Variants in RLF observed in about 807,000 individuals in gnomAD.
The protein encoded by RLF is RLF zinc finger.
RLF carries 7 observed loss-of-function variants against 162.9 expected under a neutral mutation model. That is an observed-to-expected ratio of 0.04 (90% CI 0.02 to 0.08). RLF has a LOEUF of 0.08. Among genes scored for constraint, RLF ranks in the 10% least tolerant of loss-of-function variants. The pLI, the probability that RLF is intolerant of heterozygous loss-of-function variation, is 1.00. For synonymous variants in RLF, 782 were observed against 791.5 expected (o/e 0.99, Z 0.20); for missense variants, 1,664 against 2,244.7 (o/e 0.74, Z 5.23).
At chr1:40,196,317 C>A (rs1642635751) in intron 4 of RLF, among the ~76,000 whole-genome samples, 1 of 152,156 alleles carries the variant, frequency 6.6e-6, no homozygotes, top group Admixed American at 6.5e-5. Context: ...TGTGATCCAC[C>A]TGCCTTGGCC....
chr1:40,174,691 G>C (rs1452530170), intron 1 of RLF, among the ~76,000 whole-genome samples: 1 of 152,032 alleles, frequency 6.6e-6, no homozygotes, highest in Non-Finnish European at 1.5e-5. Flanking sequence ...AAAGGGGTGA[G>C]ATTTTTAAAA....
chr1:40,191,594 A>G (rs141477423), intron 3 of RLF, among the ~76,000 whole-genome samples: 15 of 151,932 alleles, frequency 9.9e-5, no homozygotes, highest in South Asian at 2.1e-4. Context: ...GTACATACCT[A>G]TAGTCCCAGC....
Position 40,230,544 on chromosome 1 carries a change from G to T in RLF, c.948-973G>T, listed in dbSNP as rs374532632. On this transcript the variant is annotated intron_variant, in intron 6 of 7. Coordinates refer to ENST00000372771, the MANE Select transcript of RLF (RefSeq NM_012421.4). The stretch of plus-strand genomic sequence containing the variant: ...CCTCCCAGGTTCAAGCGATTCTCCT[G>T]TTCTCAGCCTCCCAAGTAGCTGGGA... Among the ~76,000 whole-genome samples, 13 of 152,118 alleles carry T rather than the reference G, an allele frequency of 8.5e-5. 1 individual carries two copies. The highest frequency in any genetic ancestry group is 3.9e-4 in the East Asian group (2 of 5,174).
intron 1 of RLF, among the ~76,000 whole-genome samples, chr1:40,162,787 G>A (rs571089338): frequency 1.3e-5 from 2 of 152,294 alleles, no homozygotes; most frequent in African/African-American, 4.8e-5. Context: ...CAATTTTTGT[G>A]TGTACAACCT....
intron 4 of RLF, among the ~76,000 whole-genome samples, chr1:40,201,522 A>C (rs1183825627): frequency 6.7e-6 from 1 of 149,360 alleles, no homozygotes; most frequent in Non-Finnish European, 1.5e-5. Context: ...GCTACTCGGG[A>C]GGCTGAGGCA....
Position 40,236,766 on chromosome 1 carries a change from A to G in RLF, c.2064A>G (p.Leu688=). The G allele has an allele frequency of 3.1e-6, 5 of 1,614,070 alleles. No homozygotes were observed. Among genetic ancestry groups the G allele is most frequent in the Non-Finnish European group, 4.2e-6 (5 of 1,179,952 alleles). The change falls in exon 8 of 8, where the codon TTA becomes TTG. Residue 688 remains leucine, a synonymous_variant. Coordinates refer to ENST00000372771, the MANE Select transcript of RLF (RefSeq NM_012421.4). This position sits in a 1 kb window ranked among gnomAD's most constrained non-coding sequence, Gnocchi z 7.7. ...GTGTGTTTAAGCAATTTAAATACTT[A>G]AGTGTGCATCTTAAAGCTGAACACC... ...CSRVFKQFKY[L]SVHLKAEHQN...
chr1:40,183,863 C>A (rs1264618981), intron 1 of RLF, among the ~76,000 whole-genome samples: 1 of 152,086 alleles, frequency 6.6e-6, no homozygotes, highest in Non-Finnish European at 1.5e-5. Flanking sequence ...CCGTAAAGCT[C>A]TTAGGAAGTG....
chr1:40,177,001 T>G (rs949104328), intron 1 of RLF, among the ~76,000 whole-genome samples: 18 of 151,868 alleles, frequency 1.2e-4, no homozygotes, highest in African/African-American at 4.4e-4. Flanking sequence ...TTAATTTTTT[T>G]TTTTGAGACC....
In RLF at chr1:40,224,623, C is replaced by CTTTTTTTTTTTTTTTTTTTTTTTTTTTTT. The variant is rs1168908018; in HGVS notation, c.947+1916_947+1944dup. Among the ~76,000 whole-genome samples, 6 of 33,262 alleles carry CTTTTTTTTTTTTTTTTTTTTTTTTTTTTT rather than the reference C, an allele frequency of 1.8e-4. 1 individual carries two copies. The highest frequency in any genetic ancestry group is 2.5e-4 in the African/African-American group (2 of 8,128). 21.8% of individuals were successfully genotyped at this position (33,262 alleles called of 152,430 possible). A position where few individuals can be genotyped will look rare whatever the true frequency, so the allele number is the denominator to read the frequency against. On this transcript the variant is annotated intron_variant, in intron 6 of 7. Transcript: ENST00000372771. ...TTTCCCCTTCCATTGTTTTTGAAAG[C>CTTTTTTTTTTTTTTTTTTTTTTTTTTTTT]TTTTTTTTTTTTTTTTTTTTTTTTT...
Position 40,240,814 on chromosome 1 carries a change from C to A in RLF, c.*367C>A, listed in dbSNP as rs1219971676. ...GGGCTAGGGAAAGGGATATGGAGTT[C>A]TTACTTGACTTGAATGTGCACCTGA... On this transcript the variant is annotated 3_prime_UTR_variant, in exon 8 of 8. Coordinates refer to ENST00000372771, the MANE Select transcript of RLF (RefSeq NM_012421.4). 5.1e-6 allele frequency: 1 copy of A among 194,870 alleles called. No individual in the cohort carries two copies. The highest frequency in any genetic ancestry group is 1.1e-5 in the Non-Finnish European group (1 of 94,502). 12.1% of individuals were successfully genotyped at this position (194,870 alleles called of 1,614,324 possible).
At chr1:40,233,785 A>G (rs1643183435) in intron 7 of RLF, among the ~76,000 whole-genome samples, 1 of 152,140 alleles carries the variant, frequency 6.6e-6, no homozygotes. Flanking sequence ...TTGATTGTTC[A>G]CAGTCAGTTA....
chr1:40,212,633 G>A (rs1280201884), intron 5 of RLF, among the ~76,000 whole-genome samples: 1 of 152,182 alleles, frequency 6.6e-6, no homozygotes, highest in East Asian at 1.9e-4. Context: ...CGCAGTTAAG[G>A]CAGGGGTCCG....
intron 7 of RLF, among the ~76,000 whole-genome samples, chr1:40,232,839 A>C (rs1371846535): frequency 6.6e-6 from 1 of 152,010 alleles, no homozygotes; most frequent in Non-Finnish European, 1.5e-5. Flanking sequence ...AGAGTAGCTG[A>C]GATTGCAGGC....
At chr1:40,205,340 T>C (rs1401882180) in intron 5 of RLF, among the ~76,000 whole-genome samples, 1 of 152,056 alleles carries the variant, frequency 6.6e-6, no homozygotes, top group African/African-American at 2.4e-5. Context: ...CGAGACTCTG[T>C]CTTCAAAAAA....
chr1:40,202,188 C>T (rs866348144), intron 4 of RLF, among the ~76,000 whole-genome samples: 1 of 152,168 alleles, frequency 6.6e-6, no homozygotes, highest in Admixed American at 6.5e-5. Flanking sequence ...ACATAGGTTA[C>T]TTGCTTCATT....
intron 4 of RLF, among the ~76,000 whole-genome samples, chr1:40,196,498 TTTTTG>T (rs143095767): frequency 6.6e-6 from 1 of 152,014 alleles, no homozygotes. Flanking sequence ...GTTTTTGTTG[TTTTTG>T]TTTTGTTTTG....
At chr1:40,221,237 G>C (rs896893933) in intron 5 of RLF, among the ~76,000 whole-genome samples, 2 of 151,610 alleles carry the variant, frequency 1.3e-5, no homozygotes, top group Non-Finnish European at 2.9e-5. Context: ...ATTTAAAAAT[G>C]AACTTTGGAC....
rs1435207009 is a variant in RLF at position 40,240,493 on chromosome 1, TGG to T, written c.*49_*50del. 6 of 1,361,780 alleles carry T rather than the reference TGG, an allele frequency of 4.4e-6. No individual in the cohort carries two copies. Among genetic ancestry groups the T allele is most frequent in the Admixed American group, 1.9e-5 (1 of 52,310 alleles). 84.4% of individuals were successfully genotyped at this position (1,361,780 alleles called of 1,614,324 possible). On this transcript the variant is annotated 3_prime_UTR_variant, in exon 8 of 8. Coordinates refer to ENST00000372771, the MANE Select transcript of RLF (RefSeq NM_012421.4). ...ACAGACTGGCTCCAACACTGCAACA[TGG>T]GGACATTTGCCAACTCGAACAAAGG...
At chr1:40,179,724 A>G (rs980190043) in intron 1 of RLF, among the ~76,000 whole-genome samples, 1 of 152,130 alleles carries the variant, frequency 6.6e-6, no homozygotes, top group Non-Finnish European at 1.5e-5. Flanking sequence ...AAGTGAAAGT[A>G]TGTACCCATT....
Sources: gnomAD v4.1 joint callset for allele counts (sites outside exome capture counted in the v4.1 genomes callset) on GRCh38, gnomAD v4.1.1 for gene constraint, Gnocchi (gnomAD v3.1) non-coding constraint, MANE v1.5 for transcripts, NCBI Gene and HGNC (gene_info 2026-07-23, HGNC 2026-07-21) for gene names.